Variants in APC observed in about 807,000 individuals in gnomAD.
APC encodes adenomatous polyposis coli protein.
In APC, 72 loss-of-function variants were observed where a neutral mutation model predicts 247.0. The observed-to-expected ratio is 0.29, with a 90% CI of 0.24 to 0.35. APC has a LOEUF of 0.35. APC is among the 10% of genes least tolerant of loss of function. The pLI, the probability that APC is intolerant of heterozygous loss-of-function variation, is 1.00. For missense variants in APC, 3,400 were observed against 3,360.7 expected, an observed-to-expected ratio of 1.01 and a Z score of -0.29; for synonymous variants, 1,254 against 1,162.5, an observed-to-expected ratio of 1.08 and a Z score of -1.60.
chr5:112,833,929 G>T (rs964955567), intron 14 of APC, among the ~76,000 whole-genome samples: 6 of 151,734 alleles, frequency 4.0e-5, no homozygotes, highest in Non-Finnish European at 5.9e-5. Flanking sequence ...CCATATCTAT[G>T]TATGGTTTAC....
chr5:112,838,019 A>T lies in APC; in HGVS notation c.2425A>T (p.Asn809Tyr), dbSNP rs1580621960. 1.9e-6 allele frequency: 3 copies of T among 1,614,168 alleles called. No individual in the cohort carries two copies. Among genetic ancestry groups the T allele is most frequent in the Non-Finnish European group, 2.5e-6 (3 of 1,180,018 alleles). ...YVFDTNRHDDNRSDNFNTGNM... is the reference protein window; with the variant it reads ...YVFDTNRHDDYRSDNFNTGNM... ...TTTTGACACCAATCGACATGATGAT[A>T]ATAGGTCAGACAATTTTAATACTGG... Residue 809 changes from asparagine (N) to tyrosine (Y), a missense_variant, in exon 16 of 16, where the codon AAT becomes TAT. By Grantham distance (143) the Asn-to-Tyr change is moderately radical (BLOSUM62 -2). This residue lies in a region of APC where 91 missense variants were observed against 103.3 expected (regional missense o/e 0.88). Coordinates refer to ENST00000257430, the MANE Select transcript of APC (RefSeq NM_000038.6).
chr5:112,825,650 G>A (rs13361581), intron 11 of APC, among the ~76,000 whole-genome samples: 2,850 of 152,230 alleles, frequency 0.019, 91 homozygotes, highest in African/African-American at 0.064. Flanking sequence ...CTAGGAGTTC[G>A]CAACCAGCTC....
At chr5:112,723,330 T>G (rs1240049229) in intron 1 of APC, among the ~76,000 whole-genome samples, 1 of 152,032 alleles carries the variant, frequency 6.6e-6, no homozygotes, top group African/African-American at 2.4e-5. Context: ...GGCATGGTGG[T>G]GCAGCCTTGT....
chr5:112,806,654 T>G (rs1158299421), intron 8 of APC, among the ~76,000 whole-genome samples: 1 of 152,108 alleles, frequency 6.6e-6, no homozygotes, highest in African/African-American at 2.4e-5. Flanking sequence ...CTCGGCTCAT[T>G]GCAACCTCTG....
chr5:112,775,398 G>C (rs1757509067), intron 4 of APC, among the ~76,000 whole-genome samples: 1 of 151,842 alleles, frequency 6.6e-6, no homozygotes. Context: ...TTCTTTTAAG[G>C]ATGATTACCA....
intron 5 of APC, among the ~76,000 whole-genome samples, chr5:112,778,757 A>G (rs907478016): frequency 2.0e-5 from 3 of 152,068 alleles, no homozygotes; most frequent in Admixed American, 2.0e-4. Context: ...GTTAGCCAGG[A>G]TGTTCTTGAT....
At chr5:112,813,779 A>C (rs73218131) in intron 8 of APC, among the ~76,000 whole-genome samples, 4,512 of 152,080 alleles carry the variant, frequency 0.03, 230 homozygotes, top group African/African-American at 0.1. Context: ...AAAAGAAAAA[A>C]AAATCACCAA....
At chr5:112,712,583 C>G (rs577796022) in intron 1 of APC, among the ~76,000 whole-genome samples, 6 of 150,044 alleles carry the variant, frequency 4.0e-5, no homozygotes, top group African/African-American at 7.4e-5. Context: ...TTTAAGCGAC[C>G]GGGGCTTGCT....
chr5:112,714,125 T>C (rs1053401623), intron 1 of APC, among the ~76,000 whole-genome samples: 6 of 152,230 alleles, frequency 3.9e-5, no homozygotes, highest in Non-Finnish European at 7.3e-5. Context: ...AGGTATGTTA[T>C]ATGTAACAAC....
chr5:112,808,559 C>T (rs890446386), intron 8 of APC, among the ~76,000 whole-genome samples: 6 of 152,040 alleles, frequency 3.9e-5, no homozygotes, highest in African/African-American at 1.2e-4. Flanking sequence ...GCGATCCTCT[C>T]GAGTAGCTGG....
chr5:112,795,087 C>T (rs910676080), intron 7 of APC, among the ~76,000 whole-genome samples: 1 of 152,070 alleles, frequency 6.6e-6, no homozygotes, highest in South Asian at 2.1e-4. Flanking sequence ...AGTGCAGTGG[C>T]GTGATCTTGG....
At chr5:112,765,591 C>G (rs1756200454) in intron 2 of APC, among the ~76,000 whole-genome samples, 2 of 152,116 alleles carry the variant, frequency 1.3e-5, no homozygotes, top group Admixed American at 1.3e-4. Context: ...CCTGATTGGC[C>G]AAAGAACTAT....
rs1036138123 is a variant in APC, at chr5:112,815,703, A to T, written c.933+110A>T. 5 of 775,684 alleles carry T rather than the reference A, an allele frequency of 6.4e-6. No homozygotes were observed. The African/African-American group carries it at 8.7e-5, about 14-fold the overall frequency. The allele number at this position is 775,684 out of a possible 1,614,324, so 48.1% of individuals were successfully genotyped here. ...GTAATCCCAGCATTTTGGGAGGCCAAGGCAGGTGGATCACTTGAGGCCAGG... is the reference window on the plus strand; with the variant it reads ...GTAATCCCAGCATTTTGGGAGGCCATGGCAGGTGGATCACTTGAGGCCAGG... On this transcript the variant is annotated intron_variant, in intron 9 of 15. Coordinates refer to ENST00000257430, the MANE Select transcript of APC (RefSeq NM_000038.6).
rs535580579 is a variant in APC, at chr5:112,728,213, C to T, written c.165+20331C>T. Among the ~76,000 whole-genome samples, 4 of 152,142 alleles carry T rather than the reference C, an allele frequency of 2.6e-5. No homozygotes were observed. In the South Asian group the frequency reaches 8.3e-4, roughly 32 times the overall value. ...TGTGATCTCAGCTCACTGCAGCCTC[C>T]ACCTCCTGGGTTCAAGCGATTCCCC... On this transcript the variant is annotated intron_variant, in intron 1 of 13. Transcript: ENST00000507379.
Position 112,842,730 on chromosome 5 carries a change from C to T in APC, c.7136C>T (p.Thr2379Ile), listed in dbSNP as rs767691072. ...PGRQMSQQNL[T>I]KQTGLSKNAS... ...AGACAGATGAGCCAACAGAACCTTACCAAACAAACAGGTTTATCCAAGAAT... is the reference window on the plus strand; with the variant it reads ...AGACAGATGAGCCAACAGAACCTTATCAAACAAACAGGTTTATCCAAGAAT... Residue 2379 changes from threonine (T) to isoleucine (I), a missense_variant, in exon 16 of 16, where the codon ACC becomes ATC. Around this residue, in one of 9 missense-constraint regions of APC, gnomAD observed 1,788 missense variants for 1,649.5 expected, o/e 1.08. Transcript: ENST00000257430. 7 of 1,613,926 alleles carry T rather than the reference C, an allele frequency of 4.3e-6. No individual in the cohort carries two copies. Among genetic ancestry groups the T allele is most frequent in the Non-Finnish European group, 5.9e-6 (7 of 1,179,860 alleles).
intron 14 of APC, among the ~76,000 whole-genome samples, chr5:112,830,500 T>C (rs767602714): frequency 1.3e-5 from 2 of 152,222 alleles, no homozygotes; most frequent in African/African-American, 4.8e-5. Flanking sequence ...TGGCAGTGTT[T>C]TTAAGTTAAA....
chr5:112,842,276 A>G lies in APC; in HGVS notation c.6682A>G (p.Arg2228Gly), dbSNP rs199648202. ...AAACATGCCTTCAATCTCTCGAGGC[A>G]GGACAATGATTCATATTCCAGGAGT... ...QANMPSISRG[R>G]TMIHIPGVRN... is the part of the protein sequence containing the mutation. Residue 2228 changes from arginine (R) to glycine (G), a missense_variant, in exon 16 of 16, where the codon AGG (arginine) becomes GGG (glycine). Coordinates refer to ENST00000257430, the MANE Select transcript of APC (RefSeq NM_000038.6). The G allele has an allele frequency of 1.2e-5, 20 of 1,613,948 alleles. No individual in the cohort carries two copies. Among genetic ancestry groups the G allele is most frequent in the Non-Finnish European group, 1.7e-5 (20 of 1,179,944 alleles).
At chr5:112,818,858 G>GTTTTTTT in intron 9 of APC, 108 bp from the exon 10 acceptor site, 1 of 995,218 alleles carries the variant, frequency 1.0e-6, no homozygotes. Context: ...GGGGGGGGTT[G>GTTTTTTT]TTTTGTTTTT....
intron 2 of APC, among the ~76,000 whole-genome samples, chr5:112,762,654 TAAA>T (rs1335377105): frequency 1.3e-5 from 2 of 152,300 alleles, no homozygotes; most frequent in East Asian, 3.9e-4. Flanking sequence ...ACTCTTCTGA[TAAA>T]GAAGCCAGAA....
Sources: gnomAD v4.1 joint callset for allele counts (sites outside exome capture counted in the v4.1 genomes callset) on GRCh38, gnomAD v4.1.1 for gene constraint, gnomAD v4.1.1 regional missense constraint, MANE v1.5 for transcripts, NCBI Gene and HGNC (gene_info 2026-07-23, HGNC 2026-07-21) for gene names.